The following KLF8 variants were observed in gnomAD, a reference collection of about 807,000 sequenced individuals.
KLF8 encodes the protein KLF transcription factor 8, also known as Krueppel-like factor 8.
A neutral mutation model predicts 18.2 loss-of-function variants in KLF8; 10 were observed. The ratio of observed to expected loss-of-function variants is 0.55; its 90% CI spans 0.34 to 0.93. The LOEUF (loss-of-function observed/expected upper bound fraction) is 0.93, where lower values mean the gene tolerates loss of function less well. Among genes scored for constraint, KLF8 ranks in the 40% least tolerant of loss-of-function variants. KLF8 has a pLI of 0.02. For synonymous variants in KLF8, 109 were observed against 97.3 expected (o/e 1.12, Z -0.71); for missense variants, 264 against 277.9 (o/e 0.95, Z 0.36).
chrX:56,025,312 C>T, the KLF8 span, among the ~76,000 whole-genome samples: 1 of 112,119 alleles, frequency 8.9e-6, no homozygotes. Flanking sequence ...TTGTCCTTTT[C>T]CATCAATGCC....
chrX:56,101,026 T>C, the KLF8 span, among the ~76,000 whole-genome samples: 1 of 111,529 alleles, frequency 9.0e-6, no homozygotes, highest in Non-Finnish European at 1.9e-5. Context: ...CATGGGTATA[T>C]TGCATGATGC....
the KLF8 span, among the ~76,000 whole-genome samples, chrX:55,944,915 G>A: frequency 8.1e-5 from 9 of 110,694 alleles, no homozygotes; most frequent in Non-Finnish European, 1.3e-4. Context: ...TCTTTTAATT[G>A]TGATGTTAGG....
intron 3 of KLF8, chrX:56,266,396 C>A: frequency 2.8e-6 from 2 of 720,391 alleles, no homozygotes; most frequent in South Asian, 1.4e-4. Context: ...GCATTATTCA[C>A]AACTGAATTG....
chrX:56,253,610 T>C (rs62613072), intron 2 of KLF8, among the ~76,000 whole-genome samples: 5,464 of 110,609 alleles, frequency 0.049, 137 homozygotes, highest in Admixed American at 0.071. Flanking sequence ...TTGGTTACTA[T>C]AGCTCTATAG....
At chrX:56,177,884 G>T in the KLF8 span, among the ~76,000 whole-genome samples, 6 of 112,106 alleles carry the variant, frequency 5.4e-5, no homozygotes, top group African/African-American at 1.9e-4. Context: ...ATCCGTGGGT[G>T]TAGGTCCCTC....
chrX:56,081,827 A>C, the KLF8 span, among the ~76,000 whole-genome samples: 1 of 111,908 alleles, frequency 8.9e-6, no homozygotes, highest in South Asian at 3.7e-4. Flanking sequence ...GTTGTTGTAT[A>C]ATTCTTTTAA....
the KLF8 span, chrX:55,908,205 A>C: frequency 2.8e-5 from 6 of 216,080 alleles, no homozygotes; most frequent in Non-Finnish European, 5.0e-5. Flanking sequence ...GTTTGGGTGC[A>C]GCCCAGTATT....
At chrX:55,938,944 C>A in the KLF8 span, among the ~76,000 whole-genome samples, 10 of 112,021 alleles carry the variant, frequency 8.9e-5, no homozygotes, top group East Asian at 2.8e-3. Context: ...TAACACCCCA[C>A]TGTCAACATT....
At chrX:56,049,129 T>A in the KLF8 span, among the ~76,000 whole-genome samples, 1 of 111,941 alleles carries the variant, frequency 8.9e-6, no homozygotes, top group African/African-American at 3.2e-5. Flanking sequence ...ATCCTGAGAC[T>A]TTGCTGAAGT....
the KLF8 span, among the ~76,000 whole-genome samples, chrX:55,913,514 C>T: frequency 2.7e-5 from 3 of 111,352 alleles, no homozygotes; most frequent in African/African-American, 9.8e-5. Flanking sequence ...GACAGACTCA[C>T]ACATTGGGAA....
chrX:56,098,303 C>A, the KLF8 span, among the ~76,000 whole-genome samples: 1 of 111,848 alleles, frequency 8.9e-6, no homozygotes, highest in Non-Finnish European at 1.9e-5. Context: ...ATTACCCAGC[C>A]TCAAGTATTC....
chrX:55,966,622 T>C, the KLF8 span, among the ~76,000 whole-genome samples: 1 of 112,020 alleles, frequency 8.9e-6, no homozygotes, highest in Admixed American at 9.4e-5. Context: ...CCAAAGTCCA[T>C]TTAGATACCT....
At chrX:56,130,278 G>T in the KLF8 span, among the ~76,000 whole-genome samples, 1 of 111,723 alleles carries the variant, frequency 9.0e-6, no homozygotes, top group Non-Finnish European at 1.9e-5. Flanking sequence ...CCACCTCACT[G>T]CCAGTCTCAC....
chrX:56,024,321 C>T, the KLF8 span, among the ~76,000 whole-genome samples: 1 of 109,700 alleles, frequency 9.1e-6, no homozygotes, highest in South Asian at 4.0e-4. Flanking sequence ...TATTCTCTTG[C>T]CTCAGCTTCC....
chrX:56,029,794 A>T, the KLF8 span, among the ~76,000 whole-genome samples: 1 of 111,897 alleles, frequency 8.9e-6, no homozygotes, highest in Non-Finnish European at 1.9e-5. Context: ...CATTCCTCCC[A>T]GAACACCCCT....
chrX:56,181,469 G>T, the KLF8 span, among the ~76,000 whole-genome samples: 8 of 111,111 alleles, frequency 7.2e-5, no homozygotes, highest in Non-Finnish European at 5.7e-5. Context: ...TTACATTTAC[G>T]GTTAATATTG....
chrX:56,030,165 C>T, the KLF8 span, among the ~76,000 whole-genome samples: 4 of 111,681 alleles, frequency 3.6e-5, no homozygotes, highest in Non-Finnish European at 5.6e-5. Context: ...ACTTTATTTA[C>T]GTTGGTGGCC....
chrX:56,139,189 T>C, the KLF8 span, among the ~76,000 whole-genome samples: 3 of 112,053 alleles, frequency 2.7e-5, no homozygotes, highest in Non-Finnish European at 5.6e-5. Context: ...TCCATGCTCA[T>C]GGATAGGAAG....
At chrX:56,172,129 T>C in the KLF8 span, among the ~76,000 whole-genome samples, 3 of 110,773 alleles carry the variant, frequency 2.7e-5, no homozygotes, top group Non-Finnish European at 5.7e-5. Flanking sequence ...TTTTATACTT[T>C]AAGTTTTAGG....
Sources: allele counts gnomAD v4.1 joint callset (sites outside exome capture counted in the v4.1 genomes callset), GRCh38; gene constraint gnomAD v4.1.1; transcripts MANE v1.5; gene names NCBI Gene and HGNC (gene_info 2026-07-23, HGNC 2026-07-21).